Variants in ANXA4 observed in about 807,000 individuals in gnomAD.
ANXA4 encodes the protein annexin A4, also known as 35-beta calcimedin.
Under a neutral mutation model 49.8 loss-of-function variants are expected in ANXA4, and 39 were observed. That is an observed-to-expected ratio of 0.78 (90% CI 0.61 to 1.02). ANXA4 has a LOEUF of 1.02. Among genes scored for constraint, ANXA4 ranks in the 50% least tolerant of loss-of-function variants. The pLI, the probability that ANXA4 is intolerant of heterozygous loss-of-function variation, is 0.00. For synonymous variants in ANXA4, 134 were observed against 152.5 expected (o/e 0.88, Z 0.89); for missense variants, 360 against 410.1 (o/e 0.88, Z 1.05).
At chr2:69,709,643 G>A (rs1032410944) in intron 2 of ANXA4, among the ~76,000 whole-genome samples, 13 of 152,164 alleles carry the variant, frequency 8.5e-5, no homozygotes, top group African/African-American at 2.9e-4. Context: ...TGGCAACCTC[G>A]CTAGGTAACT....
chr2:69,787,649 A>G (rs1312589221), intron 2 of ANXA4, among the ~76,000 whole-genome samples: 1 of 152,114 alleles, frequency 6.6e-6, no homozygotes, highest in Non-Finnish European at 1.5e-5. Context: ...TGCTTTCCCT[A>G]CAAACTAGTT....
intron 2 of ANXA4, among the ~76,000 whole-genome samples, chr2:69,657,998 A>C (rs1409687197): frequency 6.6e-6 from 1 of 151,870 alleles, no homozygotes; most frequent in Non-Finnish European, 1.5e-5. Flanking sequence ...TTTTCTTTGC[A>C]CTCCTGAAAT....
At chr2:69,658,340 C>G (rs1676582615) in intron 2 of ANXA4, among the ~76,000 whole-genome samples, 1 of 146,544 alleles carries the variant, frequency 6.8e-6, no homozygotes, top group Admixed American at 7.1e-5. Flanking sequence ...GCAGAGGCTG[C>G]AGTGAGCTGA....
At chr2:69,702,159 G>GCCC (rs1678349433) in intron 2 of ANXA4, among the ~76,000 whole-genome samples, 1 of 150,940 alleles carries the variant, frequency 6.6e-6, no homozygotes, top group Admixed American at 6.6e-5. Context: ...TTACAGGTGT[G>GCCC]CGCCACCACC....
In ANXA4 at chr2:69,818,582, T is replaced by C. The variant is rs766472468; in HGVS notation, c.629-17T>C. 1 of 1,524,234 alleles carries C rather than the reference T, an allele frequency of 6.6e-7. No individual in the cohort carries two copies. Among genetic ancestry groups the C allele is most frequent in the Non-Finnish European group, 8.9e-7 (1 of 1,120,620 alleles). The allele number at this position is 1,524,234 out of a possible 1,614,324, so 94.4% of individuals were successfully genotyped here. A position where few individuals can be genotyped will look rare whatever the true frequency, so the allele number is the denominator to read the frequency against. ...TGTTTTTTCTTCCCAATAATACTATTTTGTTATTGTCTGCAGTGTTTGATG... is the reference window on the plus strand; with the variant it reads ...TGTTTTTTCTTCCCAATAATACTATCTTGTTATTGTCTGCAGTGTTTGATG... On this transcript the variant is annotated splice_polypyrimidine_tract_variant and intron_variant, in intron 9 of 12. Transcript: ENST00000394295.
intron 2 of ANXA4, among the ~76,000 whole-genome samples, chr2:69,701,140 G>A (rs1397869171): frequency 6.6e-6 from 1 of 152,042 alleles, no homozygotes; most frequent in East Asian, 1.9e-4. Context: ...CTCCCAAATT[G>A]TGGGGATTAC....
At chr2:69,702,107 G>A (rs1272021966) in intron 2 of ANXA4, among the ~76,000 whole-genome samples, 2 of 152,032 alleles carry the variant, frequency 1.3e-5, no homozygotes, top group Non-Finnish European at 2.9e-5. Context: ...CACCTCCTGG[G>A]TTCAAGCAAT....
intron 2 of ANXA4, among the ~76,000 whole-genome samples, chr2:69,716,534 C>CA (rs1669639658): frequency 6.6e-6 from 1 of 151,978 alleles, no homozygotes; most frequent in South Asian, 2.1e-4. Context: ...CCTTGTTTGT[C>CA]AGGTTAAAAT....
upstream of ANXA4, among the ~76,000 whole-genome samples, chr2:69,738,691 T>C (rs1670304544): frequency 6.6e-6 from 1 of 152,204 alleles, no homozygotes; most frequent in African/African-American, 2.4e-5. Flanking sequence ...CTGGAAACCC[T>C]GAGCCTCCAT....
intron 3 of ANXA4, among the ~76,000 whole-genome samples, chr2:69,796,966 G>A (rs994798165): frequency 2.6e-5 from 4 of 151,832 alleles, no homozygotes; most frequent in African/African-American, 9.7e-5. Flanking sequence ...TGGACCATTT[G>A]CTCTCCTGTC....
intron 1 of ANXA4, among the ~76,000 whole-genome samples, chr2:69,648,659 A>G (rs915347470): frequency 5.3e-5 from 8 of 151,990 alleles, no homozygotes; most frequent in Admixed American, 5.2e-4. Context: ...CCCCGTCTCT[A>G]TTAAAAATAC....
At chr2:69,732,339 C>T (rs1016628409) in intron 3 of ANXA4, among the ~76,000 whole-genome samples, 6 of 151,868 alleles carry the variant, frequency 4.0e-5, no homozygotes, top group Non-Finnish European at 7.4e-5. Flanking sequence ...TTGTGGGTGT[C>T]GCTCGCTGTG....
At chr2:69,782,769 T>C (rs1167359296) in intron 2 of ANXA4, among the ~76,000 whole-genome samples, 2 of 152,240 alleles carry the variant, frequency 1.3e-5, no homozygotes, top group Admixed American at 1.3e-4. Flanking sequence ...GCTCACAGCT[T>C]TCCTACAAAT....
At chr2:69,724,775 A>G (rs1669914448) in intron 3 of ANXA4, among the ~76,000 whole-genome samples, 1 of 152,170 alleles carries the variant, frequency 6.6e-6, no homozygotes, top group Non-Finnish European at 1.5e-5. Context: ...GGCAAGAAAG[A>G]TGAACTCATT....
intron 3 of ANXA4, among the ~76,000 whole-genome samples, chr2:69,798,820 G>A (rs1189449418): frequency 1.3e-5 from 2 of 152,178 alleles, no homozygotes; most frequent in African/African-American, 4.8e-5. Context: ...AATCCCAGAC[G>A]AGCCCTCAAA....
intron 1 of ANXA4, among the ~76,000 whole-genome samples, chr2:69,746,788 A>G (rs1171745616): frequency 6.6e-6 from 1 of 151,272 alleles, no homozygotes; most frequent in African/African-American, 2.4e-5. Flanking sequence ...CCTGGTCAAC[A>G]TGGAGAATTC....
intron 1 of ANXA4, chr2:69,781,249 C>T: frequency 2.1e-6 from 1 of 474,906 alleles, no homozygotes; most frequent in Non-Finnish European, 3.8e-6. Flanking sequence ...CTTAACCTAA[C>T]AAAACAATAG....
intron 1 of ANXA4, among the ~76,000 whole-genome samples, chr2:69,646,652 C>T (rs1230740378): frequency 6.6e-6 from 1 of 152,138 alleles, no homozygotes; most frequent in Admixed American, 6.5e-5. Flanking sequence ...AAATTATAAA[C>T]AAGACCTAAG....
intron 2 of ANXA4, among the ~76,000 whole-genome samples, chr2:69,673,409 A>C (rs534908387): frequency 6.6e-6 from 1 of 151,972 alleles, no homozygotes; most frequent in South Asian, 2.1e-4. Context: ...GAGAACAGAA[A>C]ACCAAACACT....
Sources: gnomAD v4.1 joint callset for allele counts (sites outside exome capture counted in the v4.1 genomes callset) on GRCh38, gnomAD v4.1.1 for gene constraint, MANE v1.5 for transcripts, NCBI Gene and HGNC (gene_info 2026-07-23, HGNC 2026-07-21) for gene names.